PRKCE: variants seen among roughly 807,000 people sequenced by gnomAD.
PRKCE encodes protein kinase C epsilon, also known as protein kinase C epsilon type.
Under a neutral mutation model 85.4 loss-of-function variants are expected in PRKCE, and 16 were observed. That is an observed-to-expected ratio of 0.19 (90% CI 0.13 to 0.28). The LOEUF (loss-of-function observed/expected upper bound fraction) is 0.28, where lower values mean the gene tolerates loss of function less well. Ranked by LOEUF, PRKCE falls within the 10% of genes least tolerant of loss-of-function variation. The pLI is 1.00. For missense variants in PRKCE, 573 were observed against 975.2 expected (o/e 0.59, Z 5.49); for synonymous variants, 388 against 371.5 (o/e 1.04, Z -0.51).
chr2:45,862,010 A>C (rs1249796127), intron 2 of PRKCE, among the ~76,000 whole-genome samples: 1 of 152,204 alleles, frequency 6.6e-6, no homozygotes, highest in African/African-American at 2.4e-5. Flanking sequence ...GTACACACAC[A>C]CAAATTTACC....
intron 2 of PRKCE, among the ~76,000 whole-genome samples, chr2:45,956,271 T>C (rs933162267): frequency 2.0e-4 from 30 of 152,388 alleles, no homozygotes; most frequent in African/African-American, 7.0e-4. Context: ...TAAATAAAGC[T>C]GCTATAGATA....
chr2:45,715,236 G>C (rs1679991888), intron 1 of PRKCE, among the ~76,000 whole-genome samples: 1 of 152,218 alleles, frequency 6.6e-6, no homozygotes, highest in South Asian at 2.1e-4. Context: ...AGATGCTCCT[G>C]GTCCACACAA....
intron 2 of PRKCE, among the ~76,000 whole-genome samples, chr2:45,898,725 T>G (rs138765199): frequency 6.6e-6 from 1 of 150,918 alleles, no homozygotes; most frequent in Non-Finnish European, 1.5e-5. Flanking sequence ...AATAGAGGAG[T>G]AGAGAGAGGG....
chr2:46,099,039 CT>C (rs1270353322), intron 11 of PRKCE, among the ~76,000 whole-genome samples: 2 of 152,180 alleles, frequency 1.3e-5, no homozygotes, highest in Non-Finnish European at 2.9e-5. Flanking sequence ...AGGATTCATA[CT>C]GCTAATTGTT....
At chr2:45,681,721 C>T (rs961202327) in intron 1 of PRKCE, among the ~76,000 whole-genome samples, 78 of 152,266 alleles carry the variant, frequency 5.1e-4, no homozygotes, top group African/African-American at 1.8e-3. Flanking sequence ...ATTCCCCATG[C>T]GTGGACACAA....
At chr2:45,732,749 C>T (rs564371712) in intron 1 of PRKCE, among the ~76,000 whole-genome samples, 1 of 152,292 alleles carries the variant, frequency 6.6e-6, no homozygotes, top group East Asian at 1.9e-4. Flanking sequence ...GTTTATCTGT[C>T]TCTTTCACTA....
chr2:45,815,085 A>T (rs778657746), intron 1 of PRKCE, among the ~76,000 whole-genome samples: 1 of 152,156 alleles, frequency 6.6e-6, no homozygotes, highest in Non-Finnish European at 1.5e-5. Flanking sequence ...CATCCTCCCC[A>T]TGGGAGAATT....
rs967810512 is a variant in PRKCE, at chr2:46,178,184, C to T, written c.2068-6551C>T. 2.0e-5 allele frequency among the ~76,000 whole-genome samples: 3 copies of T among 152,272 alleles called. No homozygotes were observed. The East Asian group carries it at 5.8e-4, about 29-fold the overall frequency. On this transcript the variant is annotated intron_variant, in intron 14 of 14. Coordinates refer to ENST00000306156, the MANE Select transcript of PRKCE (RefSeq NM_005400.3). ...CTGAGGCAGAAGAATTGCTTGAACCCGGGAGGCGGAGGTTGCAGTGAGCCA... is the reference window on the plus strand; with the variant it reads ...CTGAGGCAGAAGAATTGCTTGAACCTGGGAGGCGGAGGTTGCAGTGAGCCA...
chr2:45,827,598 T>C (rs1161305009), intron 1 of PRKCE, among the ~76,000 whole-genome samples: 2 of 152,236 alleles, frequency 1.3e-5, no homozygotes, highest in African/African-American at 4.8e-5. Context: ...TGCTTCCATA[T>C]ATAATTTGTA....
At chr2:45,684,038 G>A (rs774202293) in intron 1 of PRKCE, among the ~76,000 whole-genome samples, 5 of 152,182 alleles carry the variant, frequency 3.3e-5, no homozygotes, top group Non-Finnish European at 7.3e-5. Context: ...CAGCTGACTT[G>A]GTGTTTGCTG....
intron 14 of PRKCE, among the ~76,000 whole-genome samples, chr2:46,182,110 C>T (rs541967936): frequency 2.9e-4 from 44 of 152,296 alleles, no homozygotes; most frequent in African/African-American, 8.9e-4. Flanking sequence ...GCTCCCCCGG[C>T]GTGGATGCTC....
Position 45,873,930 on chromosome 2 carries a change from C to A in PRKCE, c.412+30867C>A, listed in dbSNP as rs189173694. On this transcript the variant is annotated intron_variant, in intron 2 of 14. Transcript: ENST00000306156. Reference sequence around the variant, plus strand: ...GAGATATTTTGGTTTCACTTAGGCACTGAGCTATTTTAGAAAGAACAGGAG... The same window carrying A: ...GAGATATTTTGGTTTCACTTAGGCAATGAGCTATTTTAGAAAGAACAGGAG... Among the ~76,000 whole-genome samples, 171 of 152,354 alleles carry A rather than the reference C, an allele frequency of 1.1e-3. 3 individuals carry two copies. Among genetic ancestry groups the A allele is most frequent in the Admixed American group, 0.01 (155 of 15,312 alleles).
chr2:46,010,582 A>G (rs940130061), intron 10 of PRKCE, 65 bp downstream of exon 10: 40 of 1,598,116 alleles, frequency 2.5e-5, no homozygotes, highest in South Asian at 3.3e-5. Flanking sequence ...TAAAATACCA[A>G]TTTTAGACCC....
chr2:46,020,295 A>T (rs1259193421), intron 10 of PRKCE, among the ~76,000 whole-genome samples: 3 of 152,198 alleles, frequency 2.0e-5, no homozygotes, highest in Non-Finnish European at 4.4e-5. Context: ...GTGCAGCTCC[A>T]TGTCCGACTG....
chr2:46,090,882 C>G (rs1670102274), intron 11 of PRKCE, among the ~76,000 whole-genome samples: 1 of 152,146 alleles, frequency 6.6e-6, no homozygotes, highest in Admixed American at 6.5e-5. Context: ...ATGTGGGAGA[C>G]AGGCAAGACC....
At chr2:46,067,630 T>C (rs570082349) in intron 10 of PRKCE, among the ~76,000 whole-genome samples, 4 of 152,246 alleles carry the variant, frequency 2.6e-5, no homozygotes, top group Non-Finnish European at 5.9e-5. Flanking sequence ...GAGCACTTTA[T>C]GTGTTGCAGG....
chr2:46,069,665 T>G (rs1280209927), intron 10 of PRKCE, among the ~76,000 whole-genome samples: 1 of 152,222 alleles, frequency 6.6e-6, no homozygotes, highest in African/African-American at 2.4e-5. Flanking sequence ...TGCATAATCA[T>G]TCATAGCAAT....
intron 6 of PRKCE, among the ~76,000 whole-genome samples, chr2:45,994,017 G>T (rs947458729): frequency 6.6e-6 from 1 of 152,006 alleles, no homozygotes; most frequent in Non-Finnish European, 1.5e-5. Context: ...GGTCTGGGGG[G>T]GCTCTCTCCA....
At chr2:46,177,903 A>G (rs550001578) in intron 14 of PRKCE, among the ~76,000 whole-genome samples, 1 of 152,366 alleles carries the variant, frequency 6.6e-6, no homozygotes, top group East Asian at 1.9e-4. Context: ...TGCACTTGGC[A>G]CTGTTCAGAC....
Sources: gnomAD v4.1 joint callset for allele counts (sites outside exome capture counted in the v4.1 genomes callset) on GRCh38, gnomAD v4.1.1 for gene constraint, MANE v1.5 for transcripts, NCBI Gene and HGNC (gene_info 2026-07-23, HGNC 2026-07-21) for gene names.